The following INSIG2 variants were observed in gnomAD, a reference collection of about 807,000 sequenced individuals.
The protein encoded by INSIG2 is insulin-induced gene 2 protein.
INSIG2 carries 10 observed loss-of-function variants against 27.2 expected under a neutral mutation model. The ratio of observed to expected loss-of-function variants is 0.37; its 90% CI spans 0.23 to 0.62. The LOEUF is 0.62. INSIG2 is among the 20% of genes least tolerant of loss of function. The pLI, the probability that INSIG2 is intolerant of heterozygous loss-of-function variation, is 0.65. For missense variants in INSIG2, 178 were observed against 270.2 expected (o/e 0.66, Z 2.39); for synonymous variants, 97 against 95.8 (o/e 1.01, Z -0.07).
chr2:118,106,944 A>G, intron 4 of INSIG2, 41 bp downstream of exon 4: 1 of 1,599,408 alleles, frequency 6.3e-7, no homozygotes, highest in Non-Finnish European at 8.6e-7. Flanking sequence ...TGTTTGCTAG[A>G]TAAATAAATG....
At position 118,108,524 on chromosome 2, in the gene INSIG2, T is replaced by G. The variant is rs201455940; in HGVS notation, c.*202T>G. ...GATTGCTTCATCTGTAAATCAGTTG[T>G]AAACCTTTACATATTTGACTTAAAT... On this transcript the variant is annotated 3_prime_UTR_variant, in exon 6 of 6. Coordinates refer to ENST00000245787, the MANE Select transcript of INSIG2 (RefSeq NM_016133.4). The G allele has an allele frequency of 2.7e-5, 12 of 448,568 alleles. No individual in the cohort carries two copies. Among genetic ancestry groups the G allele is most frequent in the Non-Finnish European group, 4.0e-6 (1 of 248,986 alleles). The allele number at this position is 448,568 out of a possible 1,614,324, so 27.8% of individuals were successfully genotyped here. A position where few individuals can be genotyped will look rare whatever the true frequency, so the allele number is the denominator to read the frequency against.
intron 1 of INSIG2, among the ~76,000 whole-genome samples, chr2:118,089,446 G>A (rs75536712): frequency 0.01 from 1,528 of 152,244 alleles, 24 homozygotes; most frequent in African/African-American, 0.035. Flanking sequence ...GCGTGCTCCC[G>A]TCCTGGTGCA....
chr2:118,103,092 TTAAGAATC>T, intron 2 of INSIG2, 97 bp from the exon 3 acceptor site: 9 of 1,020,512 alleles, frequency 8.8e-6, no homozygotes, highest in South Asian at 7.7e-5. Context: ...TTTTTTTTTT[TTAAGAATC>T]TTTAAAATGC....
chr2:118,100,323 A>C (rs1247778913), intron 2 of INSIG2, among the ~76,000 whole-genome samples: 1 of 149,684 alleles, frequency 6.7e-6, no homozygotes, highest in Non-Finnish European at 1.5e-5. Context: ...GATTGTATTT[A>C]ATTGTTTCTG....
rs1678593002 is a variant in INSIG2, at chr2:118,103,219, C to T, written c.267C>T (p.Pro89=). 2 of 1,613,600 alleles carry T rather than the reference C, an allele frequency of 1.2e-6. No homozygotes were observed. The highest frequency in any genetic ancestry group is 1.7e-6 in the Non-Finnish European group (2 of 1,179,754). ...CAGCTGTGATTGGGTTATTATACCC[C>T]TGCATTGACAGACATCTAGGAGAAC... is the stretch of plus-strand genomic sequence containing the variant. ...TASAVIGLLY[P]CIDRHLGEPH... The change falls in exon 3 of 6, where the codon CCC becomes CCT. Residue 89 remains proline (P), a synonymous_variant. Coordinates refer to ENST00000245787, the MANE Select transcript of INSIG2 (RefSeq NM_016133.4).
intron 2 of INSIG2, among the ~76,000 whole-genome samples, chr2:118,099,538 T>C (rs1343846053): frequency 6.6e-6 from 1 of 152,220 alleles, no homozygotes; most frequent in Non-Finnish European, 1.5e-5. Flanking sequence ...AGAATTGGAA[T>C]TAGAAATCTT....
intron 1 of INSIG2, among the ~76,000 whole-genome samples, chr2:118,095,524 A>G (rs919927936): frequency 1.3e-5 from 2 of 152,240 alleles, no homozygotes; most frequent in African/African-American, 4.8e-5. Context: ...ACCACATGTC[A>G]GGTGCTTAAA....
intron 2 of INSIG2, among the ~76,000 whole-genome samples, chr2:118,101,758 A>G (rs1330262599): frequency 6.6e-6 from 1 of 152,250 alleles, no homozygotes; most frequent in Non-Finnish European, 1.5e-5. Flanking sequence ...AAATAGGAAT[A>G]TAGTGTGAAA....
chr2:118,096,599 G>A lies in INSIG2; in HGVS notation c.43G>A (p.Gly15Ser). 2 of 1,613,818 alleles carry A rather than the reference G, an allele frequency of 1.2e-6. No individual in the cohort carries two copies. Among genetic ancestry groups the A allele is most frequent in the Non-Finnish European group, 1.7e-6 (2 of 1,179,898 alleles). ...ETESPGPKKC[G>S]PYISSVTSQS... ...AGAGTCACCTGGGCCCAAAAAGTGT[G>A]GCCCATATATTTCATCTGTCACTAG... The change falls in exon 2 of 6, where the codon GGC becomes AGC. Residue 15 changes from glycine to serine, a missense_variant. Physicochemically the swap from Gly to Ser is moderately conservative, Grantham distance 56. Transcript: ENST00000245787.
chr2:118,105,278 T>C (rs1004568484), intron 3 of INSIG2, among the ~76,000 whole-genome samples: 6 of 152,192 alleles, frequency 3.9e-5, no homozygotes, highest in African/African-American at 1.4e-4. Flanking sequence ...CCTGACCTTG[T>C]GATTCGCCCA....
intron 1 of INSIG2, among the ~76,000 whole-genome samples, chr2:118,094,460 C>G (rs1195794530): frequency 1.3e-5 from 2 of 152,138 alleles, no homozygotes; most frequent in Non-Finnish European, 2.9e-5. Context: ...GCCTGGATTC[C>G]ACAGCAAGGA....
chr2:118,106,961 G>A (rs192348584), intron 4 of INSIG2, 58 bp downstream of exon 4: 56 of 1,568,090 alleles, frequency 3.6e-5, no homozygotes, highest in Admixed American at 5.0e-5. Flanking sequence ...AATGATAACC[G>A]CTTTCAGAAT....
intron 2 of INSIG2, among the ~76,000 whole-genome samples, chr2:118,101,695 GA>G (rs993010242): frequency 2.0e-5 from 3 of 152,178 alleles, no homozygotes; most frequent in Non-Finnish European, 2.9e-5. Context: ...TATTTGTATA[GA>G]AATTTTAAAA....
rs1281360034 is a variant in INSIG2, at chr2:118,101,348, C to A, written c.245-1849C>A. On this transcript the variant is annotated intron_variant, in intron 2 of 5. Coordinates refer to ENST00000245787, the MANE Select transcript of INSIG2 (RefSeq NM_016133.4). Reference sequence around the variant, plus strand: ...GTTGGCAGTGTGGCAGTTTAAATTTCTTTTTGTGTTTTTGCTTTCTCTCCT... The same window carrying A: ...GTTGGCAGTGTGGCAGTTTAAATTTATTTTTGTGTTTTTGCTTTCTCTCCT... Among the ~76,000 whole-genome samples the A allele has an allele frequency of 4.6e-5, 7 of 152,270 alleles. No individual in the cohort carries two copies. The East Asian group carries it at 9.6e-4, about 21-fold the overall frequency.
intron 5 of INSIG2, 101 bp downstream of exon 5, chr2:118,107,290 C>G: frequency 2.7e-6 from 2 of 727,398 alleles, no homozygotes; most frequent in South Asian, 3.5e-5. Context: ...AGACAACATT[C>G]TTTGATTGCT....
At position 118,109,370 on chromosome 2, in the gene INSIG2, A is replaced by G. The variant is rs974271261; in HGVS notation, c.*1048A>G. The G allele has an allele frequency of 6.6e-6, 1 of 152,168 alleles. No individual in the cohort carries two copies. Among genetic ancestry groups the G allele is most frequent in the Non-Finnish European group, 1.5e-5 (1 of 68,032 alleles). 9.4% of individuals were successfully genotyped at this position (152,168 alleles called of 1,614,324 possible). A position where few individuals can be genotyped will look rare whatever the true frequency, so the allele number is the denominator to read the frequency against. Reference sequence around the variant, plus strand: ...ATCTTACATGCAGTCTTGGGGGTGGATGAATACATAATTTCTCATGTATTC... The same window carrying G: ...ATCTTACATGCAGTCTTGGGGGTGGGTGAATACATAATTTCTCATGTATTC... On this transcript the variant is annotated 3_prime_UTR_variant, in exon 6 of 6. Transcript: ENST00000245787.
intron 5 of INSIG2, among the ~76,000 whole-genome samples, chr2:118,107,671 T>C (rs1678707303): frequency 6.6e-6 from 1 of 152,196 alleles, no homozygotes; most frequent in Admixed American, 6.5e-5. Flanking sequence ...CACTTTTACC[T>C]TTTTAGCCAG....
At chr2:118,100,189 G>A (rs1214302990) in intron 2 of INSIG2, among the ~76,000 whole-genome samples, 1 of 151,132 alleles carries the variant, frequency 6.6e-6, no homozygotes, top group African/African-American at 2.5e-5. Flanking sequence ...ACTGCTGAAT[G>A]CTCCTGCCTC....
At chr2:118,095,601 G>A (rs1452140258) in intron 1 of INSIG2, among the ~76,000 whole-genome samples, 4 of 152,224 alleles carry the variant, frequency 2.6e-5, no homozygotes, top group Non-Finnish European at 5.9e-5. Context: ...TACCTAGACT[G>A]ATTGTAGTAG....
Sources: allele counts gnomAD v4.1 joint callset (sites outside exome capture counted in the v4.1 genomes callset), GRCh38; gene constraint gnomAD v4.1.1; transcripts MANE v1.5; gene names NCBI Gene and HGNC (gene_info 2026-07-23, HGNC 2026-07-21).